CLEC2A: variants seen among roughly 807,000 people sequenced by gnomAD.
CLEC2A encodes C-type lectin domain family 2 member A, also known as keratinocyte-associated C-type lectin.
In CLEC2A, 19 loss-of-function variants were observed where a neutral mutation model predicts 18.6. The ratio of observed to expected loss-of-function variants is 1.02; its 90% CI spans 0.71 to 1.50. CLEC2A has a LOEUF of 1.50. Among genes scored for constraint, CLEC2A ranks in the 40% most tolerant of loss-of-function variants. CLEC2A has a pLI of 0.00. For synonymous variants in CLEC2A, 74 were observed against 64.0 expected (o/e 1.16, Z -0.75); for missense variants, 190 against 207.9 (o/e 0.91, Z 0.53).
chr12:9,884,957 T>C, the CLEC2A span: 1 of 1,298,590 alleles, frequency 7.7e-7, no homozygotes, highest in South Asian at 2.0e-5. Context: ...TCCACAATAT[T>C]ATTGTCTTCT....
In CLEC2A at chr12:9,916,727, C is replaced by A; in HGVS notation, c.383G>T (p.Trp128Leu). Residue 128 changes from tryptophan (W) to leucine (L), a missense_variant, in exon 4 of 5, where the codon TGG (tryptophan) becomes TTG (leucine). Physicochemically the swap from Trp to Leu is moderately conservative, Grantham distance 61. Transcript: ENST00000455827. ...LSRKQGDSWK[W>L]TNGTTFNGWF... The stretch of plus-strand genomic sequence containing the variant: ...ACCATTGAATGTGGTGCCATTTGTC[C>A]ATTTCCAAGAATCTCCTTGTTTCCT... 2 of 1,550,150 alleles carry A rather than the reference C, an allele frequency of 1.3e-6. No homozygotes were observed. The highest frequency in any genetic ancestry group is 1.7e-6 in the Non-Finnish European group (2 of 1,145,598).
At chr12:9,882,650 G>A in the CLEC2A span, among the ~76,000 whole-genome samples, 4 of 152,098 alleles carry the variant, frequency 2.6e-5, no homozygotes, top group East Asian at 1.9e-4. Context: ...GTATGGTGGC[G>A]TGTGCCTGTA....
intron 3 of CLEC2A, among the ~76,000 whole-genome samples, chr12:9,921,246 G>C (rs1233708481): frequency 6.6e-6 from 1 of 152,082 alleles, no homozygotes; most frequent in African/African-American, 2.4e-5. Context: ...GGCAGTTAGG[G>C]GCACTGACCG....
intron 3 of CLEC2A, among the ~76,000 whole-genome samples, chr12:9,920,641 A>G (rs1416764633): frequency 6.6e-6 from 1 of 151,710 alleles, no homozygotes; most frequent in East Asian, 1.9e-4. Context: ...GTATTTACTC[A>G]CCCCTTCAGT....
downstream of CLEC2A, among the ~76,000 whole-genome samples, chr12:9,897,258 T>A (rs1188915585): frequency 6.6e-6 from 1 of 152,152 alleles, no homozygotes. Flanking sequence ...TAAATGAAAC[T>A]TTCTGTGCTT....
At chr12:9,902,042 C>T (rs1376708486) in intron 4 of CLEC2A, among the ~76,000 whole-genome samples, 1 of 152,142 alleles carries the variant, frequency 6.6e-6, no homozygotes, top group Non-Finnish European at 1.5e-5. Flanking sequence ...AATCCTTTAT[C>T]CCGAGGCCAA....
At chr12:9,895,067 C>T (rs76998981), downstream of CLEC2A, among the ~76,000 whole-genome samples, 1,372 of 152,194 alleles carry the variant, frequency 9.0e-3, 15 homozygotes, top group African/African-American at 0.031. Context: ...TTATACATTG[C>T]GCATCATCCT....
chr12:9,894,155 C>CT (rs34747921), downstream of CLEC2A, among the ~76,000 whole-genome samples: 1 of 59,054 alleles, frequency 1.7e-5, no homozygotes, highest in Non-Finnish European at 3.4e-5. Flanking sequence ...TCTCTCTCTC[C>CT]CTCCCTTCCT....
the CLEC2A span, chr12:9,881,771 A>G: frequency 1.2e-6 from 1 of 819,938 alleles, no homozygotes; most frequent in East Asian, 2.7e-5. Flanking sequence ...ATAATAAGGA[A>G]TATAAAAATG....
At chr12:9,890,860 T>C in the CLEC2A span, among the ~76,000 whole-genome samples, 4 of 152,238 alleles carry the variant, frequency 2.6e-5, no homozygotes, top group African/African-American at 9.6e-5. Context: ...GGGGTCATTT[T>C]GGAATTCTGT....
intron 2 of CLEC2A, 69 bp from the exon 3 acceptor site, chr12:9,922,301 A>C (rs1341239586): frequency 5.2e-6 from 7 of 1,337,454 alleles, no homozygotes; most frequent in Non-Finnish European, 6.8e-6. Context: ...ATTCAGGTGT[A>C]TTAATTTTAC....
the CLEC2A span, among the ~76,000 whole-genome samples, chr12:9,889,277 G>A: frequency 6.6e-6 from 1 of 152,178 alleles, no homozygotes; most frequent in South Asian, 2.1e-4. Flanking sequence ...AACAAACTGT[G>A]ATGATTAATT....
chr12:9,888,446 C>T, the CLEC2A span, among the ~76,000 whole-genome samples: 6 of 151,502 alleles, frequency 4.0e-5, no homozygotes, highest in African/African-American at 7.3e-5. Context: ...GCCGAGATTG[C>T]GCCACTGCAC....
chr12:9,928,522 C>T (rs1863316841), intron 1 of CLEC2A, among the ~76,000 whole-genome samples: 1 of 151,856 alleles, frequency 6.6e-6, no homozygotes, highest in Non-Finnish European at 1.5e-5. Flanking sequence ...GAAACCTCTG[C>T]CCATTTCAAG....
intron 4 of CLEC2A, 89 bp downstream of exon 4, chr12:9,916,611 T>G (rs1863075608): frequency 1.2e-6 from 1 of 866,640 alleles, no homozygotes; most frequent in East Asian, 2.6e-5. Context: ...AACAGAAAGA[T>G]TTGTTTATAA....
intron 2 of CLEC2A, among the ~76,000 whole-genome samples, chr12:9,925,865 C>T (rs1863261534): frequency 6.6e-6 from 1 of 152,116 alleles, no homozygotes; most frequent in Non-Finnish European, 1.5e-5. Context: ...TGTTGACCAA[C>T]TCTTCTTCCC....
intron 4 of CLEC2A, among the ~76,000 whole-genome samples, chr12:9,901,878 T>C (rs1019171273): frequency 6.6e-6 from 1 of 152,220 alleles, no homozygotes; most frequent in African/African-American, 2.4e-5. Context: ...TGTTATGATT[T>C]TATTTCAATG....
At chr12:9,896,456 CA>C (rs538158997), downstream of CLEC2A, among the ~76,000 whole-genome samples, 1,972 of 128,388 alleles carry the variant, frequency 0.015, 36 homozygotes, top group African/African-American at 0.047. Flanking sequence ...ATATTCAAAA[CA>C]AAAAAAAAAA....
rs1591799484 is a variant in CLEC2A at position 9,932,310 on chromosome 12, C to T, written c.20G>A (p.Arg7Gln). MINPELRDGRADGFIHR... is the reference protein window; with the variant it reads MINPELQDGRADGFIHR... ...TATGAAGCCATCAGCTCTGCCATCC[C>T]GCAGCTCTGGATTAATCATGGCAAG... The change falls in exon 1 of 5, where the codon CGG becomes CAG. Residue 7 changes from arginine (R) to glutamine (Q), a missense_variant. Physicochemically the swap from Arg to Gln is conservative, Grantham distance 43. Transcript: ENST00000455827. The T allele has an allele frequency of 1.3e-6, 2 of 1,551,864 alleles. No homozygotes were observed. Among genetic ancestry groups the T allele is most frequent in the Non-Finnish European group, 1.7e-6 (2 of 1,146,944 alleles).
Sources: gnomAD v4.1 joint callset for allele counts (sites outside exome capture counted in the v4.1 genomes callset) on GRCh38, gnomAD v4.1.1 for gene constraint, MANE v1.5 for transcripts, NCBI Gene and HGNC (gene_info 2026-07-23, HGNC 2026-07-21) for gene names.